RAB38: variants seen among roughly 807,000 people sequenced by gnomAD.
The protein encoded by RAB38 is RAB38, member RAS oncogene family.
Under a neutral mutation model 18.4 loss-of-function variants are expected in RAB38, and 15 were observed. The observed-to-expected ratio is 0.82, with a 90% CI of 0.55 to 1.26. The LOEUF (loss-of-function observed/expected upper bound fraction) is 1.26, where lower values mean the gene tolerates loss of function less well. Ranked by LOEUF, RAB38 falls within the 50% of genes most tolerant of loss-of-function variation. RAB38 has a pLI of 0.00. For missense variants in RAB38, 294 were observed against 267.4 expected (o/e 1.10, Z -0.69); for synonymous variants, 101 against 104.4 (o/e 0.97, Z 0.20).
the RAB38 span, among the ~76,000 whole-genome samples, chr11:88,044,880 C>G: frequency 6.6e-6 from 1 of 152,128 alleles, no homozygotes; most frequent in Non-Finnish European, 1.5e-5. Context: ...CTCTGCTCCA[C>G]CACCCTATAA....
chr11:88,151,522 G>A (rs1000874191), intron 1 of RAB38, among the ~76,000 whole-genome samples: 2 of 152,074 alleles, frequency 1.3e-5, no homozygotes, highest in African/African-American at 4.8e-5. Context: ...ATTCTGATTT[G>A]GGAATTTATT....
chr11:87,874,032 C>A, the RAB38 span, among the ~76,000 whole-genome samples: 2 of 148,118 alleles, frequency 1.4e-5, no homozygotes, highest in East Asian at 4.0e-4. Flanking sequence ...CTTTGTGTTA[C>A]TTTTTGATGA....
chr11:88,077,019 A>AAAAGG, the RAB38 span, among the ~76,000 whole-genome samples: 1 of 118,166 alleles, frequency 8.5e-6, no homozygotes, highest in Non-Finnish European at 1.9e-5. Context: ...AAAAGAAAAG[A>AAAAGG]AAAGAAAAGA....
the RAB38 span, among the ~76,000 whole-genome samples, chr11:88,056,832 A>AATAAATACATACATACATACATAC: frequency 4.4e-5 from 2 of 45,506 alleles, no homozygotes; most frequent in African/African-American, 9.0e-5. Flanking sequence ...TAAATAAATA[A>AATAAATACATACATACATACATAC]ATACATACAT....
chr11:87,871,464 T>A, the RAB38 span, among the ~76,000 whole-genome samples: 1 of 151,684 alleles, frequency 6.6e-6, no homozygotes, highest in South Asian at 2.1e-4. Context: ...CAAATACACA[T>A]GCACACAGTC....
chr11:88,138,908 G>A (rs10128715), intron 2 of RAB38, among the ~76,000 whole-genome samples: 21,553 of 151,450 alleles, frequency 0.14, 1,971 homozygotes, highest in African/African-American at 0.25. Context: ...TCAGCCTCCC[G>A]AGTAGCTGGG....
chr11:87,834,579 C>T, the RAB38 span, among the ~76,000 whole-genome samples: 8 of 152,106 alleles, frequency 5.3e-5, no homozygotes, highest in South Asian at 8.3e-4. Flanking sequence ...GATTGAGAAA[C>T]TTGGATGTCA....
At chr11:87,836,936 G>C in the RAB38 span, among the ~76,000 whole-genome samples, 1 of 152,116 alleles carries the variant, frequency 6.6e-6, no homozygotes, top group Non-Finnish European at 1.5e-5. Context: ...TTTTTATTTA[G>C]ATGTCAGATC....
chr11:87,837,701 A>C, the RAB38 span, among the ~76,000 whole-genome samples: 2 of 152,200 alleles, frequency 1.3e-5, no homozygotes, highest in South Asian at 4.1e-4. Flanking sequence ...TAACTGATCT[A>C]TGTAACTAAG....
chr11:87,945,906 T>C, the RAB38 span, among the ~76,000 whole-genome samples: 1 of 152,172 alleles, frequency 6.6e-6, no homozygotes, highest in African/African-American at 2.4e-5. Context: ...GCAGGCACTA[T>C]GACAGGCTCT....
the RAB38 span, among the ~76,000 whole-genome samples, chr11:87,975,102 C>T: frequency 4.6e-5 from 7 of 152,034 alleles, no homozygotes; most frequent in African/African-American, 1.7e-4. Context: ...CCATGTCTGC[C>T]TCCATCTTCC....
chr11:87,927,942 G>A, the RAB38 span, among the ~76,000 whole-genome samples: 1 of 151,958 alleles, frequency 6.6e-6, no homozygotes, highest in African/African-American at 2.4e-5. Context: ...GCTAGGTGTG[G>A]TTGTGCAAAC....
the RAB38 span, among the ~76,000 whole-genome samples, chr11:88,025,208 T>A: frequency 5.7e-3 from 852 of 148,698 alleles, 7 homozygotes; most frequent in African/African-American, 0.021. Context: ...ATATTATAAT[T>A]ATATTGTGTA....
chr11:88,098,947 G>A, the RAB38 span, among the ~76,000 whole-genome samples: 6 of 150,208 alleles, frequency 4.0e-5, no homozygotes, highest in East Asian at 1.2e-3. Context: ...TTTTCTTTTT[G>A]TTGCTATTAT....
chr11:88,159,269 C>A (rs1425231072), intron 1 of RAB38, among the ~76,000 whole-genome samples: 2 of 150,362 alleles, frequency 1.3e-5, no homozygotes, highest in Non-Finnish European at 3.0e-5. Context: ...ATACATCTAA[C>A]CAAGGAAGAA....
chr11:88,043,751 G>T, the RAB38 span, among the ~76,000 whole-genome samples: 1 of 152,078 alleles, frequency 6.6e-6, no homozygotes, highest in South Asian at 2.1e-4. Context: ...AAACAGCCTT[G>T]CTGCTCACAC....
the RAB38 span, among the ~76,000 whole-genome samples, chr11:87,913,451 A>C: frequency 6.6e-6 from 1 of 152,194 alleles, no homozygotes; most frequent in Non-Finnish European, 1.5e-5. Flanking sequence ...TGAACATTAA[A>C]AAATGACCCT....
the RAB38 span, among the ~76,000 whole-genome samples, chr11:87,862,896 A>T: frequency 0.29 from 43,816 of 151,762 alleles, 8,096 homozygotes; most frequent in African/African-American, 0.5. Context: ...AAAGCCTTTA[A>T]CTTGATTAAT....
At chr11:88,064,772 A>C in the RAB38 span, among the ~76,000 whole-genome samples, 3 of 152,216 alleles carry the variant, frequency 2.0e-5, no homozygotes, top group Non-Finnish European at 4.4e-5. Flanking sequence ...GAATTCATTA[A>C]TTATATTCCT....
Sources: allele counts gnomAD v4.1 joint callset (sites outside exome capture counted in the v4.1 genomes callset), GRCh38; gene constraint gnomAD v4.1.1; transcripts MANE v1.5; gene names NCBI Gene and HGNC (gene_info 2026-07-23, HGNC 2026-07-21).